KIDINS220: variants seen among roughly 807,000 people sequenced by gnomAD.
KIDINS220 encodes kinase D-interacting substrate of 220 kDa.
A neutral mutation model predicts 157.6 loss-of-function variants in KIDINS220; 63 were observed. That is an observed-to-expected ratio of 0.40 (90% CI 0.33 to 0.49). KIDINS220 has a LOEUF of 0.49. Ranked by LOEUF, KIDINS220 falls within the 20% of genes least tolerant of loss-of-function variation. KIDINS220 has a pLI of 0.66. For synonymous variants in KIDINS220, 732 were observed against 783.6 expected, an observed-to-expected ratio of 0.93 and a Z score of 1.10; for missense variants, 1,772 against 2,171.2, an observed-to-expected ratio of 0.82 and a Z score of 3.65.
At chr2:8,741,481 G>A (rs1028084874) in intron 26 of KIDINS220, among the ~76,000 whole-genome samples, 6 of 152,182 alleles carry the variant, frequency 3.9e-5, no homozygotes, top group African/African-American at 9.7e-5. Context: ...TCGGAAGGCT[G>A]AGGCAGGAGA....
At chr2:8,834,590 G>GTCTT (rs1443696752) in intron 1 of KIDINS220, among the ~76,000 whole-genome samples, 5 of 151,712 alleles carry the variant, frequency 3.3e-5, no homozygotes, top group African/African-American at 1.2e-4. Context: ...CCAAACAAAT[G>GTCTT]TAGCTCAATG....
At chr2:8,814,316 C>A (rs1490592440) in intron 4 of KIDINS220, among the ~76,000 whole-genome samples, 10 of 152,020 alleles carry the variant, frequency 6.6e-5, no homozygotes, top group Non-Finnish European at 1.5e-4. Flanking sequence ...CTTAAAAGGG[C>A]ACAGAGCCAG....
At chr2:8,742,083 T>G (rs1665703923) in intron 26 of KIDINS220, among the ~76,000 whole-genome samples, 1 of 152,004 alleles carries the variant, frequency 6.6e-6, no homozygotes, top group African/African-American at 2.4e-5. Context: ...CAGCTTAAGT[T>G]CTAAACCAGT....
At chr2:8,784,153 A>G (rs948680810) in intron 17 of KIDINS220, among the ~76,000 whole-genome samples, 1 of 152,006 alleles carries the variant, frequency 6.6e-6, no homozygotes, top group African/African-American at 2.4e-5. Context: ...TGCAAGAAAT[A>G]GCGTTTTTAA....
At chr2:8,804,775 C>G (rs943418695) in intron 7 of KIDINS220, among the ~76,000 whole-genome samples, 3 of 152,206 alleles carry the variant, frequency 2.0e-5, no homozygotes, top group African/African-American at 7.2e-5. Flanking sequence ...TCTTACAACA[C>G]TAAATACTTC....
In KIDINS220 at chr2:8,741,443, C is replaced by T. The variant is rs139157729; in HGVS notation, c.3586-4444G>A. On this transcript the variant is annotated intron_variant, in intron 26 of 29. Transcript: ENST00000256707. ...TTAGCTGGGCTAATTTTTCACTGTG[C>T]GGTGGTGCACGCCTGGGTCCCAGCT... Among the ~76,000 whole-genome samples the T allele has an allele frequency of 9.2e-5, 14 of 152,062 alleles. No individual in the cohort carries two copies. The East Asian group carries it at 2.5e-3, about 27-fold the overall frequency.
chr2:8,726,186 ATTCT>A (rs1293457138), downstream of KIDINS220, among the ~76,000 whole-genome samples: 10 of 152,110 alleles, frequency 6.6e-5, no homozygotes, highest in Non-Finnish European at 1.5e-4. Context: ...ATTCTTATAC[ATTCT>A]TTCTTTTTCA....
In KIDINS220 at chr2:8,731,459, G is replaced by C. The variant is rs773590849; in HGVS notation, c.4577C>G (p.Ser1526Cys). The C allele has an allele frequency of 1.9e-6, 3 of 1,614,066 alleles. No homozygotes were observed. Among genetic ancestry groups the C allele is most frequent in the South Asian group, 2.2e-5 (2 of 91,088 alleles). Residue 1526 changes from serine (S) to cysteine (C), a missense_variant, in exon 30 of 30, where the codon TCT becomes TGT. Ser to Cys is a moderately radical substitution (Grantham distance 112). Transcript: ENST00000256707. This position sits in a 1 kb window ranked among gnomAD's most constrained non-coding sequence, Gnocchi z 5.2. ...AGTGTTATCTGATTCTTCTGTGCCA[G>C]ATTCATCCTCGTCACTTGGGAGTTT... ...YQKLPSDEDESGTEESDNTPL... is the reference protein window; with the variant it reads ...YQKLPSDEDECGTEESDNTPL...
chr2:8,833,397 T>C (rs1419690013), intron 1 of KIDINS220, among the ~76,000 whole-genome samples: 2 of 152,192 alleles, frequency 1.3e-5, no homozygotes, highest in African/African-American at 2.4e-5. Context: ...ACCTGGATTG[T>C]TCTCTATTAT....
intron 6 of KIDINS220, among the ~76,000 whole-genome samples, chr2:8,808,884 G>A (rs1333811427): frequency 6.6e-6 from 1 of 152,176 alleles, no homozygotes; most frequent in Non-Finnish European, 1.5e-5. Flanking sequence ...AGCTTTTCAA[G>A]ATAATTTATA....
rs529771373 is a variant in KIDINS220 at position 8,760,775 on chromosome 2, C to T, written c.3012-9131G>A. On this transcript the variant is annotated intron_variant, in intron 22 of 29. Coordinates refer to ENST00000256707, the MANE Select transcript of KIDINS220 (RefSeq NM_020738.4). The stretch of plus-strand genomic sequence containing the variant: ...AAATGTTATAATTTGAATCAATAAA[C>T]TTGTATTAATTCTGCTTCATTTATT... Among the ~76,000 whole-genome samples the T allele has an allele frequency of 5.3e-5, 8 of 152,262 alleles. No individual in the cohort carries two copies. The East Asian group carries it at 1.2e-3, about 22-fold the overall frequency.
At chr2:8,736,525 A>G (rs182824746) in intron 27 of KIDINS220, among the ~76,000 whole-genome samples, 87 of 152,342 alleles carry the variant, frequency 5.7e-4, no homozygotes, top group African/African-American at 2.0e-3. Context: ...ATGTAACACA[A>G]AGGTTTTCGG....
chr2:8,740,043 G>A (rs925259419), intron 26 of KIDINS220: 5 of 272,008 alleles, frequency 1.8e-5, no homozygotes, highest in African/African-American at 2.3e-5. Flanking sequence ...CTAATAAACC[G>A]AACGCACCTT....
chr2:8,834,051 T>G (rs1395789242), intron 1 of KIDINS220, among the ~76,000 whole-genome samples: 1 of 151,834 alleles, frequency 6.6e-6, no homozygotes, highest in Admixed American at 6.6e-5. Context: ...CCTCCCATGG[T>G]TCTCTATCTC....
At chr2:8,791,003 A>C in intron 13 of KIDINS220, 57 bp downstream of exon 13, 1 of 1,503,686 alleles carries the variant, frequency 6.7e-7, no homozygotes, top group South Asian at 1.3e-5. Context: ...TTTCAGAAAA[A>C]TCCCCAGAGA....
At position 8,730,662 on chromosome 2, in the gene KIDINS220, A is replaced by C; in HGVS notation, c.*58T>G. The C allele has an allele frequency of 5.2e-6, 8 of 1,548,804 alleles. No homozygotes were observed. Among genetic ancestry groups the C allele is most frequent in the Non-Finnish European group, 6.9e-6 (8 of 1,154,462 alleles). ...GGTGATGGGCGTGGATGGAGTCAAAATCCAGGACAATTCTGTCATAAAGGT... is the reference window on the plus strand; with the variant it reads ...GGTGATGGGCGTGGATGGAGTCAAACTCCAGGACAATTCTGTCATAAAGGT... On this transcript the variant is annotated 3_prime_UTR_variant, in exon 30 of 30. Transcript: ENST00000256707.
At chr2:8,836,048 T>C (rs1680339437) in intron 1 of KIDINS220, among the ~76,000 whole-genome samples, 1 of 152,056 alleles carries the variant, frequency 6.6e-6, no homozygotes, top group Non-Finnish European at 1.5e-5. Flanking sequence ...TTGAAAAATA[T>C]AAAATCCCTG....
chr2:8,732,428 A>G (rs1490236313), intron 29 of KIDINS220, among the ~76,000 whole-genome samples: 1 of 152,236 alleles, frequency 6.6e-6, no homozygotes, highest in Admixed American at 6.5e-5. Context: ...TCAAACGTTT[A>G]GCTTTTATTT....
At chr2:8,786,701 C>T (rs1282083817) in intron 15 of KIDINS220, among the ~76,000 whole-genome samples, 1 of 152,094 alleles carries the variant, frequency 6.6e-6, no homozygotes, top group East Asian at 1.9e-4. Flanking sequence ...AGGTGACACA[C>T]GTGTCATGAT....
Sources: allele counts gnomAD v4.1 joint callset (sites outside exome capture counted in the v4.1 genomes callset), GRCh38; gene constraint gnomAD v4.1.1; non-coding constraint Gnocchi (gnomAD v3.1); transcripts MANE v1.5; gene names NCBI Gene and HGNC (gene_info 2026-07-23, HGNC 2026-07-21).